The following PCDHGA1 variants were observed in gnomAD, a reference collection of about 807,000 sequenced individuals.
PCDHGA1 encodes the protein protocadherin gamma subfamily A, 1.
A neutral mutation model predicts 58.0 loss-of-function variants in PCDHGA1; 32 were observed. That is an observed-to-expected ratio of 0.55 (90% CI 0.42 to 0.74). The LOEUF (loss-of-function observed/expected upper bound fraction) is 0.74. PCDHGA1 is among the 30% of genes least tolerant of loss of function. The probability of loss-of-function intolerance (pLI) is 0.00; values close to 1 mark genes in which losing one functional copy is unlikely to be tolerated. For missense variants in PCDHGA1, 1,205 were observed against 1,182.3 expected (o/e 1.02, Z -0.28); for synonymous variants, 498 against 501.1 (o/e 0.99, Z 0.08).
At chr5:141,438,914 C>T (rs1249997741) in intron 1 of PCDHGA1, among the ~76,000 whole-genome samples, 1 of 151,906 alleles carries the variant, frequency 6.6e-6, no homozygotes, top group Non-Finnish European at 1.5e-5. Flanking sequence ...GATCCACCTG[C>T]CTTGGCCTCC....
rs201386958 is a variant in PCDHGA1 at position 141,413,172 on chromosome 5, T to G, written c.2421+80067T>G. 2.6e-4 allele frequency: 413 copies of G among 1,598,292 alleles called. 3 individuals carry two copies. In the East Asian group the frequency reaches 7.0e-3, roughly 27 times the overall value. ...ACTTTGCAGAATTCTGTAACCAGACTACAATGGCCGCTCAAAGGAATCGCT... is the reference window on the plus strand; with the variant it reads ...ACTTTGCAGAATTCTGTAACCAGACGACAATGGCCGCTCAAAGGAATCGCT... On this transcript the variant is annotated intron_variant, in intron 1 of 3. Coordinates refer to ENST00000517417, the MANE Select transcript of PCDHGA1 (RefSeq NM_018912.3).
chr5:141,393,023 T>G (rs372159245), intron 1 of PCDHGA1: 22 of 1,613,668 alleles, frequency 1.4e-5, no homozygotes, highest in Non-Finnish European at 1.7e-5. Flanking sequence ...TCTCCAGAGG[T>G]AGGACGCAGC....
chr5:141,400,473 G>T (rs1196529035), intron 1 of PCDHGA1: 1 of 1,613,946 alleles, frequency 6.2e-7, no homozygotes, highest in Non-Finnish European at 8.5e-7. Context: ...ATTCATCTGG[G>T]GCCTTATTTC....
At chr5:141,343,300 A>T in intron 1 of PCDHGA1, 3 of 971,226 alleles carry the variant, frequency 3.1e-6, no homozygotes, top group Non-Finnish European at 3.7e-6. Context: ...ATGTATAAAT[A>T]TGGCTGATTT....
intron 1 of PCDHGA1, chr5:141,387,734 T>C: frequency 7.7e-7 from 1 of 1,302,214 alleles, no homozygotes; most frequent in East Asian, 2.5e-5. Context: ...GCGCCAGCCT[T>C]TACACCGCTT....
chr5:141,500,497 C>T (rs1214550546), intron 2 of PCDHGA1, among the ~76,000 whole-genome samples: 1 of 152,174 alleles, frequency 6.6e-6, no homozygotes, highest in Non-Finnish European at 1.5e-5. Context: ...GCGTGAGCCA[C>T]CGCGCCTGGC....
intron 1 of PCDHGA1, chr5:141,338,900 C>G: frequency 6.7e-7 from 1 of 1,489,242 alleles, no homozygotes; most frequent in Non-Finnish European, 8.9e-7. Context: ...TATCTCACAC[C>G]CTGAGGAATA....
At chr5:141,426,814 T>C (rs2096962370) in intron 1 of PCDHGA1, 1 of 456,592 alleles carries the variant, frequency 2.2e-6, no homozygotes, top group Admixed American at 2.3e-5. Flanking sequence ...AATGAACATT[T>C]CTCTCTGATG....
chr5:141,360,660 C>T (rs530891991), intron 1 of PCDHGA1: 14 of 1,613,850 alleles, frequency 8.7e-6, no homozygotes, highest in Admixed American at 3.3e-5. Flanking sequence ...TTAATGACAA[C>T]GAGTACTTTG....
At position 141,345,864 on chromosome 5, in the gene PCDHGA1, G is replaced by C; in HGVS notation, c.2421+12759G>C. On this transcript the variant is annotated intron_variant, in intron 1 of 3. Coordinates refer to ENST00000517417, the MANE Select transcript of PCDHGA1 (RefSeq NM_018912.3). Reference sequence around the variant, plus strand: ...CTGGCTGTCCTACCGCCTGCTCAAGGCCAGCGAGCCGGGACTCTTCTCGGT... The same window carrying C: ...CTGGCTGTCCTACCGCCTGCTCAAGCCCAGCGAGCCGGGACTCTTCTCGGT... The C allele has an allele frequency of 3.1e-6, 5 of 1,613,400 alleles. No homozygotes were observed. The South Asian group carries it at 5.5e-5, about 18-fold the overall frequency.
intron 1 of PCDHGA1, among the ~76,000 whole-genome samples, chr5:141,445,751 G>T (rs1211416281): frequency 2.0e-5 from 3 of 152,102 alleles, no homozygotes; most frequent in Non-Finnish European, 4.4e-5. Context: ...AAAAATAAAA[G>T]GTGTGACTCA....
chr5:141,372,536 C>T, intron 1 of PCDHGA1: 1 of 1,614,034 alleles, frequency 6.2e-7, no homozygotes, highest in East Asian at 2.2e-5. Flanking sequence ...TCTCCCTGCG[C>T]CTGCGATGCT....
chr5:141,491,742 C>T lies in PCDHGA1; in HGVS notation c.2422-3065C>T. On this transcript the variant is annotated intron_variant, in intron 1 of 3. Transcript: ENST00000517417. This position sits in a 1 kb window ranked among gnomAD's most constrained non-coding sequence, Gnocchi z 6.9. ...CGCCCCGGGCGACCCCTGGGGGCGG[C>T]ACTGGAGAAGCCGCCCGTCCTCATA... 6.3e-7 allele frequency: 1 copy of T among 1,596,114 alleles called. No individual in the cohort carries two copies. Among genetic ancestry groups the T allele is most frequent in the African/African-American group, 1.3e-5 (1 of 74,260 alleles).
intron 1 of PCDHGA1, among the ~76,000 whole-genome samples, chr5:141,425,189 T>C (rs1042702500): frequency 2.6e-5 from 4 of 152,116 alleles, no homozygotes; most frequent in African/African-American, 7.2e-5. Flanking sequence ...AATTCCAAAC[T>C]GAGAAAAATG....
In PCDHGA1 at chr5:141,432,690, T is replaced by A. The variant is rs764124373; in HGVS notation, c.2422-62117T>A. 5.0e-6 allele frequency: 8 copies of A among 1,613,854 alleles called. No individual in the cohort carries two copies. The highest frequency in any genetic ancestry group is 2.7e-5 in the African/African-American group (2 of 74,940). ...GACGCGCTCAAGCAGAGCCTCGTAGTGGCCGTCCAGGACCACGGCCAGCCC... is the reference window on the plus strand; with the variant it reads ...GACGCGCTCAAGCAGAGCCTCGTAGAGGCCGTCCAGGACCACGGCCAGCCC... On this transcript the variant is annotated intron_variant, in intron 1 of 3. Coordinates refer to ENST00000517417, the MANE Select transcript of PCDHGA1 (RefSeq NM_018912.3). This position sits in a 1 kb window ranked among gnomAD's most constrained non-coding sequence, Gnocchi z 6.0.
In PCDHGA1 at chr5:141,331,493, A is replaced by C. The variant is rs1297025485; in HGVS notation, c.809A>C (p.Asp270Ala). ...QLLMVNATDP[D>A]EGANGEVTYS... ...CTCATGGTAAATGCCACTGACCCTG[A>C]TGAGGGAGCCAATGGGGAAGTAACG... is the stretch of plus-strand genomic sequence containing the variant. The change falls in exon 1 of 4, where the codon GAT (aspartate) becomes GCT (alanine). Residue 270 changes from aspartate (D) to alanine (A), a missense_variant. Asp to Ala is a moderately radical substitution (Grantham distance 126, BLOSUM62 -2). Transcript: ENST00000517417. The C allele has an allele frequency of 3.1e-6, 5 of 1,614,094 alleles. No homozygotes were observed. In the African/African-American group the frequency reaches 6.7e-5, roughly 22 times the overall value.
Position 141,432,061 on chromosome 5 carries a change from G to A in PCDHGA1, c.2422-62746G>A. 1 of 1,614,130 alleles carries A rather than the reference G, an allele frequency of 6.2e-7. No homozygotes were observed. The highest frequency in any genetic ancestry group is 8.5e-7 in the Non-Finnish European group (1 of 1,180,034). ...ACCGGGGAACCCCGCCCCTATCCAC[G>A]GAAACTCATATCTCGCTGAACGTGG... On this transcript the variant is annotated intron_variant, in intron 1 of 3. Coordinates refer to ENST00000517417, the MANE Select transcript of PCDHGA1 (RefSeq NM_018912.3). The surrounding 1 kb of genome is among the most constrained non-coding windows in gnomAD (Gnocchi z 6.0).
chr5:141,394,211 G>A, intron 1 of PCDHGA1: 1 of 1,613,888 alleles, frequency 6.2e-7, no homozygotes, highest in Non-Finnish European at 8.5e-7. Flanking sequence ...AGAACAACCT[G>A]AGAGGAGCCT....
chr5:141,491,726 C>T lies in PCDHGA1; in HGVS notation c.2422-3081C>T. On this transcript the variant is annotated intron_variant, in intron 1 of 3. Transcript: ENST00000517417. This position sits in a 1 kb window ranked among gnomAD's most constrained non-coding sequence, Gnocchi z 6.9. ...GTGAGGGGCTCGGCGCCGCCCCGGG[C>T]GACCCCTGGGGGCGGCACTGGAGAA... The T allele has an allele frequency of 6.2e-7, 1 of 1,605,884 alleles. No individual in the cohort carries two copies. Among genetic ancestry groups the T allele is most frequent in the East Asian group, 2.2e-5 (1 of 44,600 alleles).
Sources: allele counts gnomAD v4.1 joint callset (sites outside exome capture counted in the v4.1 genomes callset), GRCh38; gene constraint gnomAD v4.1.1; non-coding constraint Gnocchi (gnomAD v3.1); transcripts MANE v1.5; gene names NCBI Gene and HGNC (gene_info 2026-07-23, HGNC 2026-07-21).